Variants in PLG observed in about 807,000 individuals in gnomAD.
PLG encodes the protein plasmin.
PLG carries 41 observed loss-of-function variants against 104.4 expected under a neutral mutation model. The observed-to-expected ratio is 0.39, with a 90% CI of 0.31 to 0.51. The LOEUF (loss-of-function observed/expected upper bound fraction) is 0.51, where lower values mean the gene tolerates loss of function less well. Among genes scored for constraint, PLG ranks in the 20% least tolerant of loss-of-function variants. The probability of loss-of-function intolerance (pLI) is 0.76; values close to 1 mark genes in which losing one functional copy is unlikely to be tolerated. For synonymous variants in PLG, 337 were observed against 357.1 expected (o/e 0.94, Z 0.63); for missense variants, 891 against 1,003.6 (o/e 0.89, Z 1.52).
chr6:160,749,629 T>TCATCACCACCACCACTACCACCAC (rs1391057519), intron 17 of PLG, among the ~76,000 whole-genome samples: 1 of 148,052 alleles, frequency 6.8e-6, no homozygotes, highest in Non-Finnish European at 1.5e-5. Context: ...ACCACCACCA[T>TCATCACCACCACCACTACCACCAC]CATCACCACC....
intron 1 of PLG, among the ~76,000 whole-genome samples, chr6:160,703,752 T>A (rs1447921370): frequency 1.3e-5 from 2 of 152,232 alleles, no homozygotes; most frequent in African/African-American, 4.8e-5. Flanking sequence ...GCATGGAAAC[T>A]AGGACATAGA....
At chr6:160,709,759 T>C (rs1241111300) in intron 3 of PLG, among the ~76,000 whole-genome samples, 4 of 152,318 alleles carry the variant, frequency 2.6e-5, no homozygotes. Context: ...TATGTCCCAA[T>C]GAAGATGTAC....
chr6:160,729,940 C>A (rs1031063497), intron 10 of PLG, among the ~76,000 whole-genome samples: 5 of 152,232 alleles, frequency 3.3e-5, no homozygotes, highest in African/African-American at 1.2e-4. Flanking sequence ...CCTTTTAACA[C>A]ATCCAGTTGC....
At chr6:160,749,227 T>C (rs75189898) in intron 17 of PLG, among the ~76,000 whole-genome samples, 76 of 152,304 alleles carry the variant, frequency 5.0e-4, no homozygotes, top group African/African-American at 1.8e-3. Context: ...TATAAGGTCA[T>C]TGTGAGGATT....
rs1003565868 is a variant in PLG, at chr6:160,752,144, G to T, written c.2155G>T (p.Ala719Ser). Residue 719 changes from alanine to serine, a missense_variant, in exon 18 of 19, where the codon GCC (alanine) becomes TCC (serine). Physicochemically the swap from Ala to Ser is moderately conservative, Grantham distance 99 (BLOSUM62 1). Around this residue, in one of 2 missense-constraint regions of PLG, gnomAD observed 854 missense variants for 932.1 expected, o/e 0.92. Transcript: ENST00000308192. The surrounding 1 kb of genome is among the most constrained non-coding windows in gnomAD (Gnocchi z 4.7). ...TTTTGGAGCTGGCCTTCTCAAGGAAGCCCAGCTCCCTGTGATTGAGAATAA... is the reference window on the plus strand; with the variant it reads ...TTTTGGAGCTGGCCTTCTCAAGGAATCCCAGCTCCCTGTGATTGAGAATAA... ...GTFGAGLLKE[A>S]QLPVIENKVC... is the part of the protein sequence containing the mutation. 1 of 1,613,302 alleles carries T rather than the reference G, an allele frequency of 6.2e-7. No individual in the cohort carries two copies. The highest frequency in any genetic ancestry group is 1.3e-5 in the African/African-American group (1 of 75,022).
chr6:160,730,026 A>G (rs1369949141), intron 10 of PLG, among the ~76,000 whole-genome samples: 2 of 152,094 alleles, frequency 1.3e-5, no homozygotes, highest in African/African-American at 2.4e-5. Context: ...TAGAGAGACA[A>G]TGTTGCATTC....
At chr6:160,704,773 G>C (rs566495459) in intron 1 of PLG, among the ~76,000 whole-genome samples, 1 of 152,286 alleles carries the variant, frequency 6.6e-6, no homozygotes, top group East Asian at 1.9e-4. Context: ...GGAGCAGGGG[G>C]ACTTTGGCCG....
At position 160,748,350 on chromosome 6, in the gene PLG, GAGAA is replaced by G. The variant is rs71542985; in HGVS notation, c.2126-3718_2126-3715del. On this transcript the variant is annotated intron_variant, in intron 17 of 18. Transcript: ENST00000308192. Reference sequence around the variant, plus strand: ...AGAAGGAAAGAAGGAAGAAAAGAAAGAGAAAGAAAGAAAGAAAGAAAGAAAGAAA... The same window carrying G: ...AGAAGGAAAGAAGGAAGAAAAGAAAGAGAAAGAAAGAAAGAAAGAAAGAAA... Among the ~76,000 whole-genome samples the G allele has an allele frequency of 7.4e-3, 364 of 49,432 alleles. 10 individuals carry two copies. Among genetic ancestry groups the G allele is most frequent in the South Asian group, 0.024 (28 of 1,170 alleles). 32.4% of individuals were successfully genotyped at this position (49,432 alleles called of 152,430 possible).
rs1778119453 is a variant in PLG, at chr6:160,738,133, T to C, written c.1803-405T>C. On this transcript the variant is annotated intron_variant, in intron 14 of 18. Coordinates refer to ENST00000308192, the MANE Select transcript of PLG (RefSeq NM_000301.5). This position sits in a 1 kb window ranked among gnomAD's most constrained non-coding sequence, Gnocchi z 6.8. ...CTGCTCAGGATCACATCTGGCTCCT[T>C]GAAGAGTGATTCATCAGACCTTACA... 6.6e-6 allele frequency among the ~76,000 whole-genome samples: 1 copy of C among 152,224 alleles called. No homozygotes were observed. The highest frequency in any genetic ancestry group is 2.4e-5 in the African/African-American group (1 of 41,452).
At position 160,729,274 on chromosome 6, in the gene PLG, G is replaced by A. The variant is rs192559810; in HGVS notation, c.1257-1777G>A. 3.2e-3 allele frequency among the ~76,000 whole-genome samples: 493 copies of A among 152,314 alleles called. 3 individuals are homozygous for A. The highest frequency in any genetic ancestry group is 4.6e-3 in the Non-Finnish European group (311 of 68,024). ...ATAAGTGCTGTCACTGATGTGGAGC[G>A]AGGATGTGCAGCTCTCGCATACGCT... On this transcript the variant is annotated intron_variant, in intron 10 of 18. Transcript: ENST00000308192.
At chr6:160,707,628 C>G (rs1027535337) in intron 2 of PLG, 72 bp from the exon 3 acceptor site, 100 of 1,421,904 alleles carry the variant, frequency 7.0e-5, no homozygotes, top group Non-Finnish European at 9.7e-5. Context: ...TAGCATGTCT[C>G]ACTTATTAAT....
chr6:160,715,066 G>C (rs1777707721), intron 6 of PLG, 152 bp downstream of exon 6: 1 of 786,878 alleles, frequency 1.3e-6, no homozygotes, highest in African/African-American at 1.7e-5. Context: ...AATATTGCAA[G>C]TGAAATACGC....
intron 9 of PLG, among the ~76,000 whole-genome samples, chr6:160,721,554 C>G (rs1777828064): frequency 6.6e-6 from 1 of 152,192 alleles, no homozygotes; most frequent in African/African-American, 2.4e-5. Flanking sequence ...GTGTTCCTAT[C>G]CATTCCCAGA....
intron 10 of PLG, 143 bp from the exon 11 acceptor site, chr6:160,730,904 TTTTG>T (rs1368176480): frequency 3.0e-5 from 23 of 754,178 alleles, no homozygotes; most frequent in African/African-American, 2.1e-4. Context: ...TGAGGACCAT[TTTTG>T]TTTGTTACAA....
Position 160,752,066 on chromosome 6 carries a change from G to A in PLG, c.2126-49G>A, listed in dbSNP as rs1393448937. On this transcript the variant is annotated intron_variant, in intron 17 of 18. Coordinates refer to ENST00000308192, the MANE Select transcript of PLG (RefSeq NM_000301.5). The surrounding 1 kb of genome is among the most constrained non-coding windows in gnomAD (Gnocchi z 4.7). ...CTGCTCTGTTCTGGAATATCCTCCT[G>A]AATGTGTTTTGGGTGCAGTTGCCAT... 4.5e-6 allele frequency: 7 copies of A among 1,565,086 alleles called. No individual in the cohort carries two copies. The highest frequency in any genetic ancestry group is 2.2e-5 in the South Asian group (2 of 89,608).
rs891636462 is a variant in PLG at position 160,752,773 on chromosome 6, T to C, written c.2272-127T>C. The stretch of plus-strand genomic sequence containing the variant: ...AAGCACTGCAGATGCTTGAGTAATA[T>C]GCTCATAAGTTCCTTTCTGATTTCA... On this transcript the variant is annotated intron_variant, in intron 18 of 18. Transcript: ENST00000308192. The surrounding 1 kb of genome is among the most constrained non-coding windows in gnomAD (Gnocchi z 4.7). The C allele has an allele frequency of 1.7e-6, 2 of 1,165,508 alleles. No individual in the cohort carries two copies. Among genetic ancestry groups the C allele is most frequent in the Non-Finnish European group, 1.3e-6 (1 of 782,372 alleles). The allele number at this position is 1,165,508 out of a possible 1,614,324, so 72.2% of individuals were successfully genotyped here.
At position 160,753,110 on chromosome 6, in the gene PLG, T is replaced by C. The variant is rs1047217514; in HGVS notation, c.*49T>C. The stretch of plus-strand genomic sequence containing the variant: ...ACTGACTCACCTAGAGGCTGGAACG[T>C]GGGTAGGGATTTAGCATGCTGGAAA... On this transcript the variant is annotated 3_prime_UTR_variant, in exon 19 of 19. Coordinates refer to ENST00000308192, the MANE Select transcript of PLG (RefSeq NM_000301.5). The surrounding 1 kb of genome is among the most constrained non-coding windows in gnomAD (Gnocchi z 5.4). 15 of 1,148,050 alleles carry C rather than the reference T, an allele frequency of 1.3e-5. No individual in the cohort carries two copies. The highest frequency in any genetic ancestry group is 9.8e-5 in the Admixed American group (5 of 50,950). 71.1% of individuals were successfully genotyped at this position (1,148,050 alleles called of 1,614,324 possible).
chr6:160,750,940 A>C (rs1326596196), intron 17 of PLG, among the ~76,000 whole-genome samples: 4 of 152,150 alleles, frequency 2.6e-5, no homozygotes, highest in African/African-American at 9.7e-5. Context: ...GGCAAAGAAA[A>C]TAAAGCAGTT....
Position 160,722,510 on chromosome 6 carries a change from C to G in PLG, c.1199C>G (p.Ser400Cys). ...STTTTGKKCQ[S>C]WSSMTPHRHQ... ...ACCACCACAGGAAAGAAGTGTCAGT[C>G]TTGGTCATCTATGACACCACACCGG... Residue 400 changes from serine (S) to cysteine (C), a missense_variant, in exon 10 of 19, where the codon TCT becomes TGT. This residue lies in a region of PLG where 854 missense variants were observed against 932.1 expected (regional missense o/e 0.92). Coordinates refer to ENST00000308192, the MANE Select transcript of PLG (RefSeq NM_000301.5). 1 of 1,613,746 alleles carries G rather than the reference C, an allele frequency of 6.2e-7. No homozygotes were observed.
Sources: allele counts gnomAD v4.1 joint callset (sites outside exome capture counted in the v4.1 genomes callset), GRCh38; gene constraint gnomAD v4.1.1; regional missense constraint gnomAD v4.1.1; non-coding constraint Gnocchi (gnomAD v3.1); transcripts MANE v1.5; gene names NCBI Gene and HGNC (gene_info 2026-07-23, HGNC 2026-07-21).